Variants in CDH26 observed in about 807,000 individuals in gnomAD.
CDH26 encodes cadherin 26, also known as cadherin-like protein 26.
CDH26 carries 83 observed loss-of-function variants against 90.3 expected under a neutral mutation model. The observed-to-expected ratio is 0.92, with a 90% CI of 0.77 to 1.10. CDH26 has a LOEUF of 1.10. CDH26 is among the 50% of genes least tolerant of loss of function. The pLI is 0.00. For synonymous variants in CDH26, 397 were observed against 396.3 expected, an observed-to-expected ratio of 1.00 and a Z score of -0.02; for missense variants, 1,013 against 1,037.6, an observed-to-expected ratio of 0.98 and a Z score of 0.33.
intron 8 of CDH26, 126 bp downstream of exon 8, chr20:59,987,764 C>A (rs528046143): frequency 7.0e-6 from 5 of 717,640 alleles, no homozygotes; most frequent in African/African-American, 5.5e-5. Flanking sequence ...CATTACGTAC[C>A]ACACGTCACC....
intron 9 of CDH26, among the ~76,000 whole-genome samples, chr20:59,990,545 T>C (rs561322383): frequency 6.6e-6 from 1 of 152,360 alleles, no homozygotes; most frequent in South Asian, 2.1e-4. Context: ...AATGGCTAGA[T>C]TTTTTAAAAA....
intron 7 of CDH26, among the ~76,000 whole-genome samples, chr20:60,029,281 C>CGTAGCACCTATAGTCAACAAT (rs2062022062): frequency 6.6e-6 from 1 of 152,164 alleles, no homozygotes; most frequent in Non-Finnish European, 1.5e-5. Context: ...TAGTCAACAA[C>CGTAGCACCTATAGTCAACAAT]GTAGCACCTA....
chr20:59,968,017 T>G (rs1392120305), intron 1 of CDH26, among the ~76,000 whole-genome samples: 12 of 110,106 alleles, frequency 1.1e-4, no homozygotes, highest in African/African-American at 3.4e-4. Flanking sequence ...CTTTCTTCCT[T>G]TCTCTCTGTC....
At chr20:59,962,288 G>A (rs79899362) in intron 1 of CDH26, among the ~76,000 whole-genome samples, 2,910 of 152,256 alleles carry the variant, frequency 0.019, 97 homozygotes, top group African/African-American at 0.067. Flanking sequence ...CTGGTACGTC[G>A]GCTTAAAATA....
At chr20:59,973,608 A>G (rs1185941455) in intron 4 of CDH26, among the ~76,000 whole-genome samples, 3 of 152,042 alleles carry the variant, frequency 2.0e-5, no homozygotes, top group Non-Finnish European at 4.4e-5. Flanking sequence ...ATGTGTTCTC[A>G]TCATTTAGCT....
At chr20:60,033,511 G>C (rs927207881) in exon 9 of CDH26, 1 of 1,304,290 alleles carries the variant, frequency 7.7e-7, no homozygotes, top group Non-Finnish European at 1.0e-6. Context: ...CTGGGAGAAA[G>C]CAAAGGAGCC....
At chr20:59,987,036 A>T (rs149565084) in intron 7 of CDH26, among the ~76,000 whole-genome samples, 2 of 152,318 alleles carry the variant, frequency 1.3e-5, no homozygotes, top group East Asian at 3.9e-4. Flanking sequence ...GAAGATCTAC[A>T]TGTGTTAGAA....
chr20:59,990,350 C>G (rs1242400911), intron 9 of CDH26, among the ~76,000 whole-genome samples: 1 of 152,072 alleles, frequency 6.6e-6, no homozygotes, highest in Non-Finnish European at 1.5e-5. Flanking sequence ...TTCCATGAGA[C>G]CATGATCATG....
rs925939398 is a variant in CDH26, at chr20:60,013,228, G to C, written c.*498G>C. 2 of 152,576 alleles carry C rather than the reference G, an allele frequency of 1.3e-5. No homozygotes were observed. Among genetic ancestry groups the C allele is most frequent in the African/African-American group, 4.8e-5 (2 of 41,428 alleles). 9.5% of individuals were successfully genotyped at this position (152,576 alleles called of 1,614,324 possible). A position where few individuals can be genotyped will look rare whatever the true frequency, so the allele number is the denominator to read the frequency against. On this transcript the variant is annotated 3_prime_UTR_variant, in exon 18 of 18. Coordinates refer to ENST00000348616, the MANE Select transcript of CDH26 (RefSeq NM_177980.4). Reference sequence around the variant, plus strand: ...TTTGAAGTGATTTTTTAAAAAATAAGTATTGGTCCCTGTTCACTTTTTGAT... The same window carrying C: ...TTTGAAGTGATTTTTTAAAAAATAACTATTGGTCCCTGTTCACTTTTTGAT...
chr20:59,993,362 G>A (rs1394979192), intron 10 of CDH26, among the ~76,000 whole-genome samples: 2 of 152,154 alleles, frequency 1.3e-5, no homozygotes, highest in East Asian at 3.9e-4. Context: ...TAGTGCACTG[G>A]TCACCTGAGT....
At position 59,994,369 on chromosome 20, in the gene CDH26, G is replaced by A. The variant is rs2061565524; in HGVS notation, c.1546G>A (p.Glu516Lys). The A allele has an allele frequency of 6.2e-7, 1 of 1,613,968 alleles. No individual in the cohort carries two copies. The highest frequency in any genetic ancestry group is 1.3e-5 in the African/African-American group (1 of 74,878). ...GGAGGTCTGTGAGTCTGCTGTGCAT[G>A]AGCCCCTCCACATCGAGGCAGAGGA... Reference protein sequence around the residue: ...YMEVCESAVHEPLHIEAEDPD... With the variant: ...YMEVCESAVHKPLHIEAEDPD... Residue 516 changes from glutamate to lysine, a missense_variant, in exon 11 of 18, where the codon GAG (glutamate) becomes AAG (lysine). Glu to Lys is a moderately conservative substitution (Grantham distance 56, BLOSUM62 1). Transcript: ENST00000348616.
At chr20:59,996,174 A>C in intron 12 of CDH26, 120 bp downstream of exon 12, 1 of 1,112,738 alleles carries the variant, frequency 9.0e-7, no homozygotes, top group Non-Finnish European at 1.3e-6. Context: ...TGGCTTTGAG[A>C]ATGACTTCTG....
downstream of CDH26, among the ~76,000 whole-genome samples, chr20:60,016,512 G>A (rs560502927): frequency 1.3e-5 from 2 of 152,186 alleles, no homozygotes; most frequent in South Asian, 4.1e-4. Context: ...AGAGTTTTTG[G>A]TAGCATCTTT....
downstream of CDH26, among the ~76,000 whole-genome samples, chr20:60,019,442 T>G (rs1259452339): frequency 1.3e-5 from 2 of 152,222 alleles, no homozygotes; most frequent in African/African-American, 4.8e-5. Flanking sequence ...TGTCTTCAAG[T>G]TCAGAAATTT....
At chr20:59,976,379 C>CA (rs1214694697) in intron 4 of CDH26, among the ~76,000 whole-genome samples, 1 of 152,150 alleles carries the variant, frequency 6.6e-6, no homozygotes, top group Admixed American at 6.5e-5. Context: ...AGCATCTTGC[C>CA]AAAGAATAAA....
chr20:59,987,791 G>T lies in CDH26; in HGVS notation c.1023+153G>T, dbSNP rs189639518. On this transcript the variant is annotated intron_variant, in intron 8 of 17. Coordinates refer to ENST00000348616, the MANE Select transcript of CDH26 (RefSeq NM_177980.4). The stretch of plus-strand genomic sequence containing the variant: ...CACGTCACCAGGCAAGGAAGGCAGG[G>T]TCTCAGTGCCACTTCTGTGTGTGGG... Among the ~76,000 whole-genome samples the T allele has an allele frequency of 5.9e-5, 9 of 152,246 alleles. No homozygotes were observed. The East Asian group carries it at 1.7e-3, about 29-fold the overall frequency.
intron 1 of CDH26, among the ~76,000 whole-genome samples, chr20:59,967,637 C>T (rs925043627): frequency 6.6e-6 from 1 of 152,134 alleles, no homozygotes; most frequent in Non-Finnish European, 1.5e-5. Flanking sequence ...AGTCATCCTG[C>T]GTGCACACTG....
chr20:60,006,800 C>T lies in CDH26; in HGVS notation c.2295+13C>T, dbSNP rs2061759563. ...GACATTGAATCAGGTAGGGAGAGCT[C>T]CCCTTGTGCTGTGCACTAGCTATGG... is the stretch of plus-strand genomic sequence containing the variant. On this transcript the variant is annotated intron_variant, in intron 17 of 17. Coordinates refer to ENST00000348616, the MANE Select transcript of CDH26 (RefSeq NM_177980.4). 8 of 1,607,204 alleles carry T rather than the reference C, an allele frequency of 5.0e-6. 1 individual carries two copies. Among genetic ancestry groups the T allele is most frequent in the Middle Eastern group, 1.7e-4 (1 of 6,036 alleles).
chr20:60,032,778 CAT>C (rs1357379010), intron 8 of CDH26, among the ~76,000 whole-genome samples: 1 of 142,124 alleles, frequency 7.0e-6, no homozygotes, highest in African/African-American at 2.6e-5. Context: ...TGTTCTCACT[CAT>C]AGGTGGGAAT....
Sources: allele counts gnomAD v4.1 joint callset (sites outside exome capture counted in the v4.1 genomes callset), GRCh38; gene constraint gnomAD v4.1.1; transcripts MANE v1.5; gene names NCBI Gene and HGNC (gene_info 2026-07-23, HGNC 2026-07-21).